Variants in CEP192 observed in about 807,000 individuals in gnomAD.
CEP192 encodes centrosomal protein 192, also known as centrosomal protein of 192 kDa.
CEP192 carries 151 observed loss-of-function variants against 271.8 expected under a neutral mutation model. The ratio of observed to expected loss-of-function variants is 0.56; its 90% CI spans 0.49 to 0.64. The LOEUF (loss-of-function observed/expected upper bound fraction) is 0.64, where lower values mean the gene tolerates loss of function less well. Ranked by LOEUF, CEP192 falls within the 30% of genes least tolerant of loss-of-function variation. The pLI is 0.00. For missense variants in CEP192, 2,910 were observed against 3,020.5 expected (o/e 0.96, Z 0.86); for synonymous variants, 995 against 1,076.5 (o/e 0.92, Z 1.48).
intron 40 of CEP192, among the ~76,000 whole-genome samples, chr18:13,106,850 GACT>G (rs1265424568): frequency 5.3e-5 from 8 of 152,328 alleles, no homozygotes; most frequent in African/African-American, 1.7e-4. Flanking sequence ...TTGTATGATT[GACT>G]ACGTTGCTTA....
intron 26 of CEP192, 77 bp from the exon 27 acceptor site, chr18:13,069,661 C>A: frequency 1.3e-6 from 1 of 792,596 alleles, no homozygotes; most frequent in Non-Finnish European, 2.2e-6. Flanking sequence ...GAGAAACGCA[C>A]GTAAGGCAGG....
intron 2 of CEP192, chr18:13,000,632 A>G (rs746286293): frequency 1.1e-4 from 17 of 152,238 alleles, no homozygotes; most frequent in Non-Finnish European, 2.2e-4. Context: ...AGTAACTTTC[A>G]GCTCCTGAAG....
intron 7 of CEP192, among the ~76,000 whole-genome samples, chr18:13,017,596 A>T (rs2034730926): frequency 6.6e-6 from 1 of 152,184 alleles, no homozygotes. Context: ...AAAGTTTGCC[A>T]CCTTTGCATT....
chr18:13,052,873 T>C, intron 17 of CEP192, 46 bp from the exon 18 acceptor site: 1 of 1,442,680 alleles, frequency 6.9e-7, no homozygotes, highest in Non-Finnish European at 9.3e-7. Context: ...ATGTAGATAG[T>C]TGAAGGACTG....
At chr18:13,069,659 C>A in intron 26 of CEP192, 79 bp from the exon 27 acceptor site, 1 of 776,340 alleles carries the variant, frequency 1.3e-6, no homozygotes, top group Non-Finnish European at 2.3e-6. Context: ...ATGAGAAACG[C>A]ACGTAAGGCA....
intron 21 of CEP192, among the ~76,000 whole-genome samples, chr18:13,062,086 C>G (rs926616915): frequency 6.6e-6 from 1 of 152,120 alleles, no homozygotes; most frequent in African/African-American, 2.4e-5. Context: ...GCAGTGGTTC[C>G]CTACTGGTGT....
chr18:13,090,873 G>A (rs2039110320), intron 33 of CEP192, among the ~76,000 whole-genome samples: 1 of 152,084 alleles, frequency 6.6e-6, no homozygotes, highest in African/African-American at 2.4e-5. Context: ...GAAGATTGTA[G>A]GGAACCAGAG....
chr18:13,072,982 A>G (rs754718073), intron 29 of CEP192, 27 bp from the exon 30 acceptor site: 12 of 1,592,948 alleles, frequency 7.5e-6, no homozygotes, highest in South Asian at 2.3e-5. Flanking sequence ...GCTTTGTTTT[A>G]TGCATTTAAC....
intron 24 of CEP192, 89 bp downstream of exon 24, chr18:13,068,511 C>A: frequency 9.1e-7 from 1 of 1,099,020 alleles, no homozygotes; most frequent in South Asian, 1.4e-5. Context: ...CAATAAATGT[C>A]AGTACTTCGA....
Position 13,017,327 on chromosome 18 carries a change from T to G in CEP192, c.780T>G (p.Gly260=), listed in dbSNP as rs748772837. 6.5e-7 allele frequency: 1 copy of G among 1,537,788 alleles called. No individual in the cohort carries two copies. Among genetic ancestry groups the G allele is most frequent in the Non-Finnish European group, 8.7e-7 (1 of 1,143,150 alleles). The change falls in exon 7 of 45, where the codon GGT becomes GGG. Residue 260 remains glycine (G), a synonymous_variant. Coordinates refer to ENST00000506447, the MANE Select transcript of CEP192 (RefSeq NM_032142.4). ...PEKGFKLPTN[G]LRQANENGSL... ...AAGGTTTTAAGTTACCTACAAATGGTCTTAGACAGGTGTGTTCCAGTCTTT... is the reference window on the plus strand; with the variant it reads ...AAGGTTTTAAGTTACCTACAAATGGGCTTAGACAGGTGTGTTCCAGTCTTT...
At chr18:13,106,419 C>T (rs1266710610) in intron 40 of CEP192, among the ~76,000 whole-genome samples, 1 of 130,154 alleles carries the variant, frequency 7.7e-6, no homozygotes, top group African/African-American at 2.7e-5. Context: ...CCACTGCCAT[C>T]ACCATTTCCC....
intron 9 of CEP192, among the ~76,000 whole-genome samples, chr18:13,028,380 C>A (rs1336891900): frequency 6.6e-6 from 1 of 152,124 alleles, no homozygotes; most frequent in Non-Finnish European, 1.5e-5. Flanking sequence ...TGAGGGGAAA[C>A]AATTCAAGAC....
chr18:13,068,840 A>C lies in CEP192; in HGVS notation c.4823-12A>C, dbSNP rs763376832. On this transcript the variant is annotated splice_polypyrimidine_tract_variant and intron_variant, in intron 24 of 44. Coordinates refer to ENST00000506447, the MANE Select transcript of CEP192 (RefSeq NM_032142.4). ...TCTGGTCTCCAAGCTAAAAGAATGAACTTTTTTTTAGATATTCTGGACTCA... is the reference window on the plus strand; with the variant it reads ...TCTGGTCTCCAAGCTAAAAGAATGACCTTTTTTTTAGATATTCTGGACTCA... The C allele has an allele frequency of 6.2e-7, 1 of 1,613,988 alleles. No homozygotes were observed. Among genetic ancestry groups the C allele is most frequent in the South Asian group, 1.1e-5 (1 of 91,082 alleles).
chr18:13,006,905 T>A (rs1201555537), intron 3 of CEP192, among the ~76,000 whole-genome samples: 1 of 152,188 alleles, frequency 6.6e-6, no homozygotes, highest in Non-Finnish European at 1.5e-5. Context: ...CTCCCCGTTG[T>A]CAGGTGTTCA....
At chr18:13,018,053 A>G (rs557568935) in intron 7 of CEP192, among the ~76,000 whole-genome samples, 2 of 152,288 alleles carry the variant, frequency 1.3e-5, no homozygotes, top group South Asian at 2.1e-4. Context: ...AAGAATACAG[A>G]TTAAACAGTT....
intron 17 of CEP192, among the ~76,000 whole-genome samples, 193 bp from the exon 18 acceptor site, chr18:13,052,724 CAA>C (rs2036861869): frequency 6.6e-6 from 1 of 152,180 alleles, no homozygotes; most frequent in Non-Finnish European, 1.5e-5. Flanking sequence ...GAAAATGCCA[CAA>C]TACATTTTAC....
intron 44 of CEP192, among the ~76,000 whole-genome samples, chr18:13,123,730 G>T (rs1446807530): frequency 6.6e-6 from 1 of 152,124 alleles, no homozygotes; most frequent in Admixed American, 6.5e-5. Context: ...CATATTTTGA[G>T]GTGTATTTTG....
intron 18 of CEP192, 141 bp from the exon 19 acceptor site, chr18:13,055,639 A>T: frequency 1.8e-6 from 1 of 562,532 alleles, no homozygotes; most frequent in East Asian, 3.0e-5. Flanking sequence ...CTGCAAGACT[A>T]CTATTTTTGT....
intron 24 of CEP192, 146 bp from the exon 25 acceptor site, chr18:13,068,706 A>T (rs1482918406): frequency 8.2e-6 from 6 of 734,868 alleles, no homozygotes; most frequent in Non-Finnish European, 1.3e-5. Context: ...CTTTCTCTTC[A>T]CTCATTTCTA....
Sources: allele counts gnomAD v4.1 joint callset (sites outside exome capture counted in the v4.1 genomes callset), GRCh38; gene constraint gnomAD v4.1.1; transcripts MANE v1.5; gene names NCBI Gene and HGNC (gene_info 2026-07-23, HGNC 2026-07-21).